KIF2A: variants seen among roughly 807,000 people sequenced by gnomAD.
KIF2A encodes kinesin family member 2A, also known as kinesin-like protein KIF2A.
In KIF2A, 22 loss-of-function variants were observed where a neutral mutation model predicts 100.2. The ratio of observed to expected loss-of-function variants is 0.22; its 90% CI spans 0.16 to 0.31. KIF2A has a LOEUF of 0.31. Ranked by LOEUF, KIF2A falls within the 10% of genes least tolerant of loss-of-function variation. KIF2A has a pLI of 1.00. For missense variants in KIF2A, 495 were observed against 898.7 expected, an observed-to-expected ratio of 0.55 and a Z score of 5.74; for synonymous variants, 268 against 285.9, an observed-to-expected ratio of 0.94 and a Z score of 0.63.
At position 62,347,976 on chromosome 5, in the gene KIF2A, A is replaced by G. The variant is rs111306565; in HGVS notation, c.160-72A>G. The G allele has an allele frequency of 4.8e-5, 72 of 1,503,334 alleles. No homozygotes were observed. In the African/African-American group the frequency reaches 8.8e-4, roughly 18 times the overall value. The allele number at this position is 1,503,334 out of a possible 1,614,324, so 93.1% of individuals were successfully genotyped here. A position where few individuals can be genotyped will look rare whatever the true frequency, so the allele number is the denominator to read the frequency against. ...AATTTAAGAGTTATTTACTTCATCA[A>G]TTTACTTGAAAAGTAAAAGGTTAAT... is the stretch of plus-strand genomic sequence containing the variant. On this transcript the variant is annotated intron_variant, in intron 2 of 20. Coordinates refer to ENST00000407818, the MANE Select transcript of KIF2A (RefSeq NM_001098511.3).
At chr5:62,348,693 G>A (rs1332147831) in intron 3 of KIF2A, among the ~76,000 whole-genome samples, 1 of 152,110 alleles carries the variant, frequency 6.6e-6, no homozygotes, top group Non-Finnish European at 1.5e-5. Context: ...TATTCTTCTG[G>A]CTTTTAAAGA....
chr5:62,377,479 T>C (rs1416142871), intron 18 of KIF2A, among the ~76,000 whole-genome samples, 182 bp from the exon 19 acceptor site: 1 of 152,224 alleles, frequency 6.6e-6, no homozygotes, highest in Non-Finnish European at 1.5e-5. Context: ...TATTGAGAGT[T>C]GCATAAATAT....
intron 18 of KIF2A, among the ~76,000 whole-genome samples, chr5:62,377,369 G>A (rs1741595350): frequency 1.3e-5 from 2 of 152,158 alleles, no homozygotes; most frequent in Non-Finnish European, 2.9e-5. Context: ...TTTTTGAAAA[G>A]TTGGGCTGTT....
intron 1 of KIF2A, among the ~76,000 whole-genome samples, chr5:62,342,738 A>AT (rs1428285242): frequency 6.7e-6 from 1 of 150,050 alleles, no homozygotes; most frequent in Admixed American, 6.6e-5. Flanking sequence ...AGTTTTCATT[A>AT]TTTTTTATTT....
At chr5:62,371,216 T>G (rs1044590595) in intron 16 of KIF2A, among the ~76,000 whole-genome samples, 9 of 152,158 alleles carry the variant, frequency 5.9e-5, no homozygotes, top group Non-Finnish European at 1.2e-4. Context: ...ACTGAGCCAC[T>G]GCAGTATAGC....
intron 1 of KIF2A, among the ~76,000 whole-genome samples, chr5:62,311,106 A>G (rs963545320): frequency 1.5e-4 from 23 of 152,208 alleles, no homozygotes; most frequent in African/African-American, 5.3e-4. Flanking sequence ...TCATTTTTAT[A>G]AATGTGGAAA....
At chr5:62,382,673 G>A (rs1298001043) in intron 20 of KIF2A, among the ~76,000 whole-genome samples, 1 of 91,046 alleles carries the variant, frequency 1.1e-5, no homozygotes, top group African/African-American at 4.4e-5. Context: ...TGCTCTTATT[G>A]TCCAGGCTGG....
Position 62,350,269 on chromosome 5 carries a change from TG to T in KIF2A, c.334+150del, listed in dbSNP as rs1439416514. 65 of 571,606 alleles carry T rather than the reference TG, an allele frequency of 1.1e-4. 1 individual carries two copies. In the African/African-American group the frequency reaches 1.2e-3, roughly 11 times the overall value. The allele number at this position is 571,606 out of a possible 1,614,324, so 35.4% of individuals were successfully genotyped here. On this transcript the variant is annotated intron_variant, in intron 4 of 20. Coordinates refer to ENST00000407818, the MANE Select transcript of KIF2A (RefSeq NM_001098511.3). ...TAAGAGGTGCTTTTTTGTTTTGTTT[TG>T]TTTTTTGTTTTTTGGTTTTTTTTTT...
intron 20 of KIF2A, among the ~76,000 whole-genome samples, chr5:62,384,180 C>T (rs1741913746): frequency 6.6e-6 from 1 of 151,964 alleles, no homozygotes; most frequent in African/African-American, 2.4e-5. Flanking sequence ...GGGCGGAGGG[C>T]GGAGGTTGCA....
intron 16 of KIF2A, among the ~76,000 whole-genome samples, chr5:62,370,977 A>AT (rs1741296375): frequency 1.3e-5 from 2 of 152,016 alleles, no homozygotes; most frequent in Admixed American, 6.6e-5. Context: ...AGAAATTTAG[A>AT]TTTTTCAGGC....
intron 18 of KIF2A, among the ~76,000 whole-genome samples, chr5:62,374,247 AACT>A (rs1741444017): frequency 6.6e-6 from 1 of 152,188 alleles, no homozygotes; most frequent in South Asian, 2.1e-4. Context: ...GGGGTCAGCA[AACT>A]ACAGCCTGTG....
intron 1 of KIF2A, among the ~76,000 whole-genome samples, chr5:62,317,028 C>CACATATGTA (rs1439895882): frequency 1.3e-5 from 2 of 150,342 alleles, no homozygotes; most frequent in Non-Finnish European, 3.0e-5. Context: ...AAAAAGGATT[C>CACATATGTA]ACATATGTAT....
Position 62,390,031 on chromosome 5 carries a change from T to G in KIF2A, c.*4462T>G, listed in dbSNP as rs1200749520. Among the ~76,000 whole-genome samples, 1 of 152,194 alleles carries G rather than the reference T, an allele frequency of 6.6e-6. No homozygotes were observed. Among genetic ancestry groups the G allele is most frequent in the Admixed American group, 6.5e-5 (1 of 15,276 alleles). On this transcript the variant is annotated 3_prime_UTR_variant, in exon 21 of 21. Coordinates refer to ENST00000407818, the MANE Select transcript of KIF2A (RefSeq NM_001098511.3). Reference sequence around the variant, plus strand: ...CTCAGTAGTACTGCTAGCCAGCCAATAAAATATAAACTCCATTTGTCTTAG... The same window carrying G: ...CTCAGTAGTACTGCTAGCCAGCCAAGAAAATATAAACTCCATTTGTCTTAG...
intron 1 of KIF2A, among the ~76,000 whole-genome samples, chr5:62,309,256 A>T (rs745345888): frequency 5.9e-5 from 9 of 152,232 alleles, no homozygotes; most frequent in Non-Finnish European, 1.5e-5. Flanking sequence ...GTGTTCTTAC[A>T]TAAGTGCTAC....
intron 1 of KIF2A, among the ~76,000 whole-genome samples, chr5:62,310,599 T>G (rs1202981427): frequency 6.6e-6 from 1 of 150,828 alleles, no homozygotes; most frequent in East Asian, 1.9e-4. Flanking sequence ...CGCTGGCCTG[T>G]TAGTCAGGAA....
At chr5:62,370,054 C>T (rs911932943) in intron 16 of KIF2A, among the ~76,000 whole-genome samples, 2 of 152,180 alleles carry the variant, frequency 1.3e-5, no homozygotes, top group Non-Finnish European at 2.9e-5. Flanking sequence ...ATGTTTAGCA[C>T]AGTACCTGGG....
chr5:62,381,605 C>T (rs991927057), intron 20 of KIF2A, among the ~76,000 whole-genome samples: 2 of 152,202 alleles, frequency 1.3e-5, no homozygotes, highest in East Asian at 3.8e-4. Context: ...CATTCTGTTG[C>T]CCAGGCTGGA....
rs1741988614 is a variant in KIF2A at position 62,385,603 on chromosome 5, C to T, written c.*34C>T. The T allele has an allele frequency of 7.0e-7, 1 of 1,430,894 alleles. No homozygotes were observed. Among genetic ancestry groups the T allele is most frequent in the South Asian group, 1.2e-5 (1 of 82,168 alleles). 88.6% of individuals were successfully genotyped at this position (1,430,894 alleles called of 1,614,324 possible). A position where few individuals can be genotyped will look rare whatever the true frequency, so the allele number is the denominator to read the frequency against. On this transcript the variant is annotated 3_prime_UTR_variant, in exon 21 of 21. Transcript: ENST00000407818. ...TTGCTGCTAAAGGATACCCAGAACC[C>T]TCACTACTGTAACATACAACGGTTC... is the stretch of plus-strand genomic sequence containing the variant.
chr5:62,357,491 C>T (rs1309832137), intron 7 of KIF2A, among the ~76,000 whole-genome samples, 200 bp from the exon 8 acceptor site: 1 of 152,132 alleles, frequency 6.6e-6, no homozygotes, highest in African/African-American at 2.4e-5. Context: ...AAGCAAGTTT[C>T]CATTACACTC....
Sources: allele counts gnomAD v4.1 joint callset (sites outside exome capture counted in the v4.1 genomes callset), GRCh38; gene constraint gnomAD v4.1.1; transcripts MANE v1.5; gene names NCBI Gene and HGNC (gene_info 2026-07-23, HGNC 2026-07-21).